Variants in PDE4D observed in about 807,000 individuals in gnomAD.
The protein encoded by PDE4D is phosphodiesterase 4D, also known as 3',5'-cyclic-AMP phosphodiesterase 4D.
A neutral mutation model predicts 87.4 loss-of-function variants in PDE4D; 24 were observed. That is an observed-to-expected ratio of 0.27 (90% CI 0.20 to 0.39). The LOEUF (loss-of-function observed/expected upper bound fraction) is 0.39. Among genes scored for constraint, PDE4D ranks in the 10% least tolerant of loss-of-function variants. The probability of loss-of-function intolerance (pLI) is 1.00; values close to 1 mark genes in which losing one functional copy is unlikely to be tolerated. For missense variants in PDE4D, 714 were observed against 1,041.0 expected, an observed-to-expected ratio of 0.69 and a Z score of 4.32; for synonymous variants, 384 against 383.2, an observed-to-expected ratio of 1.00 and a Z score of -0.02.
intron 1 of PDE4D, among the ~76,000 whole-genome samples, chr5:60,274,481 C>A (rs1433881018): frequency 6.6e-6 from 1 of 152,108 alleles, no homozygotes; most frequent in Non-Finnish European, 1.5e-5. Flanking sequence ...CTGCCTCAGC[C>A]TCCCAAGTAG....
intron 1 of PDE4D, among the ~76,000 whole-genome samples, chr5:59,608,910 A>G (rs948912032): frequency 6.6e-6 from 1 of 152,042 alleles, no homozygotes; most frequent in African/African-American, 2.4e-5. Flanking sequence ...TGTCTCTCTC[A>G]TCTCTCACTC....
At chr5:59,828,831 A>G (rs982607087) in intron 1 of PDE4D, among the ~76,000 whole-genome samples, 5 of 152,086 alleles carry the variant, frequency 3.3e-5, no homozygotes, top group African/African-American at 1.2e-4. Context: ...CTGTGAGGTA[A>G]AAGTAAGTTA....
At chr5:60,079,991 A>G (rs1255441370) in intron 2 of PDE4D, among the ~76,000 whole-genome samples, 2 of 152,174 alleles carry the variant, frequency 1.3e-5, no homozygotes, top group African/African-American at 4.8e-5. Context: ...CATGACATCA[A>G]TTCTTCCTAT....
At chr5:60,374,347 G>T (rs1014341201) in intron 1 of PDE4D, among the ~76,000 whole-genome samples, 6 of 152,128 alleles carry the variant, frequency 3.9e-5, no homozygotes, top group Admixed American at 6.5e-5. Context: ...AGAAAAAGGA[G>T]AGCAAAAAAG....
chr5:59,513,002 C>T (rs953391993), intron 1 of PDE4D, among the ~76,000 whole-genome samples: 4 of 151,954 alleles, frequency 2.6e-5, no homozygotes, highest in Non-Finnish European at 4.4e-5. Flanking sequence ...CATTACATAT[C>T]GTTTTCAAAG....
chr5:60,497,439 G>GT, intron 1 of PDE4D, among the ~76,000 whole-genome samples: 1 of 151,808 alleles, frequency 6.6e-6, no homozygotes, highest in Admixed American at 6.6e-5. Context: ...ATCTTGCTCT[G>GT]TTGTCCAGGC....
intron 1 of PDE4D, among the ~76,000 whole-genome samples, chr5:59,721,540 C>T (rs1755829917): frequency 1.3e-5 from 2 of 152,066 alleles, no homozygotes; most frequent in South Asian, 4.2e-4. Context: ...AGTATTGTCT[C>T]CATTTTACAT....
At chr5:60,506,372 A>G (rs1750323417) in intron 1 of PDE4D, among the ~76,000 whole-genome samples, 2 of 152,240 alleles carry the variant, frequency 1.3e-5, no homozygotes, top group South Asian at 4.1e-4. Flanking sequence ...GGAAATCCCA[A>G]AAAGAATACA....
intron 1 of PDE4D, among the ~76,000 whole-genome samples, chr5:59,631,944 G>A (rs1244233378): frequency 6.6e-6 from 1 of 152,196 alleles, no homozygotes; most frequent in Non-Finnish European, 1.5e-5. Context: ...AAGGGGTCTT[G>A]CTCAGTGAAT....
intron 1 of PDE4D, among the ~76,000 whole-genome samples, chr5:59,310,328 C>G (rs1289659178): frequency 6.6e-6 from 1 of 152,144 alleles, no homozygotes; most frequent in Non-Finnish European, 1.5e-5. Context: ...TTCCCTGCTT[C>G]TATTCTGCAT....
intron 1 of PDE4D, among the ~76,000 whole-genome samples, chr5:60,206,406 A>G (rs1443563732): frequency 2.0e-5 from 3 of 152,194 alleles, no homozygotes; most frequent in African/African-American, 7.2e-5. Flanking sequence ...ATGATGAATT[A>G]TTTGGCCTTG....
chr5:59,051,668 T>C (rs1761569668), intron 5 of PDE4D, among the ~76,000 whole-genome samples: 1 of 152,138 alleles, frequency 6.6e-6, no homozygotes, highest in East Asian at 1.9e-4. Flanking sequence ...CACAGCAAAA[T>C]GAGATATTTA....
intron 2 of PDE4D, among the ~76,000 whole-genome samples, chr5:60,126,794 A>G (rs1779157982): frequency 6.6e-6 from 1 of 152,192 alleles, no homozygotes. Context: ...CCGAGAACAA[A>G]GATGCTTATT....
intron 2 of PDE4D, among the ~76,000 whole-genome samples, chr5:59,210,824 T>C (rs2153503038): frequency 6.6e-6 from 1 of 152,302 alleles, no homozygotes; most frequent in African/African-American, 2.4e-5. Context: ...GTGAATTGAG[T>C]ATTTCTTAAA....
At chr5:59,725,680 A>C (rs879356093) in intron 1 of PDE4D, among the ~76,000 whole-genome samples, 6 of 152,180 alleles carry the variant, frequency 3.9e-5, no homozygotes, top group African/African-American at 1.4e-4. Context: ...AAAAGAAGCT[A>C]CCATTTCAGT....
chr5:59,409,198 T>C (rs915237718), intron 1 of PDE4D, among the ~76,000 whole-genome samples: 2 of 152,062 alleles, frequency 1.3e-5, no homozygotes, highest in African/African-American at 4.8e-5. Context: ...GTACCTCTAT[T>C]GTACCTTGGC....
chr5:59,533,689 T>C (rs917503254), intron 1 of PDE4D, among the ~76,000 whole-genome samples: 1 of 152,206 alleles, frequency 6.6e-6, no homozygotes, highest in East Asian at 1.9e-4. Context: ...TTAGTGTCAC[T>C]TGGGGTCTTA....
chr5:60,118,741 T>C (rs759377183), intron 2 of PDE4D, among the ~76,000 whole-genome samples: 4 of 152,106 alleles, frequency 2.6e-5, no homozygotes, highest in African/African-American at 4.8e-5. Context: ...AGCCACTAGA[T>C]CAGTGTTTCT....
intron 1 of PDE4D, among the ~76,000 whole-genome samples, chr5:59,280,213 T>C (rs1206326293): frequency 6.6e-6 from 1 of 152,092 alleles, no homozygotes; most frequent in African/African-American, 2.4e-5. Context: ...ATGCAACAGA[T>C]GACATTTTGA....
Sources: gnomAD v4.1 joint callset for allele counts (sites outside exome capture counted in the v4.1 genomes callset) on GRCh38, gnomAD v4.1.1 for gene constraint, MANE v1.5 for transcripts, NCBI Gene and HGNC (gene_info 2026-07-23, HGNC 2026-07-21) for gene names.